The following ROBO2 variants were observed in gnomAD, a reference collection of about 807,000 sequenced individuals.
ROBO2 encodes roundabout guidance receptor 2.
In ROBO2, 53 loss-of-function variants were observed where a neutral mutation model predicts 160.8. That is an observed-to-expected ratio of 0.33 (90% confidence interval 0.26 to 0.41). The LOEUF (loss-of-function observed/expected upper bound fraction) is 0.41, where lower values mean the gene tolerates loss of function less well. ROBO2 is among the 10% of genes least tolerant of loss of function. The pLI is 1.00. For synonymous variants in ROBO2, 664 were observed against 611.7 expected, an observed-to-expected ratio of 1.09 and a Z score of -1.26; for missense variants, 1,577 against 1,722.4, an observed-to-expected ratio of 0.92 and a Z score of 1.49.
At chr3:77,390,284 T>C (rs1459591453) in intron 2 of ROBO2, among the ~76,000 whole-genome samples, 1 of 152,136 alleles carries the variant, frequency 6.6e-6, no homozygotes, top group Non-Finnish European at 1.5e-5. Flanking sequence ...AAAGTTCCAG[T>C]CAAGTACTCT....
chr3:76,868,192 C>G (rs986347021), intron 2 of ROBO2, among the ~76,000 whole-genome samples: 1 of 152,132 alleles, frequency 6.6e-6, no homozygotes, highest in East Asian at 1.9e-4. Flanking sequence ...CTGGATTTTT[C>G]TCAGCAACCT....
chr3:76,247,179 C>T (rs1705671565), intron 2 of ROBO2, among the ~76,000 whole-genome samples: 2 of 152,094 alleles, frequency 1.3e-5, no homozygotes, highest in African/African-American at 2.4e-5. Context: ...GTTACTTAGA[C>T]TTCTTACGTG....
intron 2 of ROBO2, among the ~76,000 whole-genome samples, chr3:76,555,196 G>A (rs929743438): frequency 6.6e-6 from 1 of 151,840 alleles, no homozygotes; most frequent in African/African-American, 2.4e-5. Context: ...AGGAAAATAG[G>A]ATAGGATAAC....
At chr3:77,444,490 C>G (rs2080263568) in intron 2 of ROBO2, among the ~76,000 whole-genome samples, 1 of 152,116 alleles carries the variant, frequency 6.6e-6, no homozygotes, top group South Asian at 2.1e-4. Flanking sequence ...ATACCAGTTT[C>G]TGTCTGTTGG....
chr3:76,290,648 G>A (rs963972415), intron 2 of ROBO2, among the ~76,000 whole-genome samples: 2 of 152,118 alleles, frequency 1.3e-5, no homozygotes, highest in African/African-American at 2.4e-5. Context: ...CATCATGTCA[G>A]TTGTGGGTCT....
chr3:77,018,204 G>T (rs1389693466), intron 2 of ROBO2, among the ~76,000 whole-genome samples: 1 of 152,086 alleles, frequency 6.6e-6, no homozygotes, highest in Admixed American at 6.6e-5. Flanking sequence ...CAAGGATCAA[G>T]CAATTCTCCT....
rs146482695 is a variant in ROBO2, at chr3:77,156,306, C to T, written c.388+57966C>T. The stretch of plus-strand genomic sequence containing the variant: ...TGTCAGGTTTGATTTTACTTTAGAT[C>T]GTGTTAAACAATGTAAGATTGTTTA... On this transcript the variant is annotated intron_variant, in intron 2 of 25. Coordinates refer to ENST00000461745, the Ensembl canonical transcript of ROBO2. Among the ~76,000 whole-genome samples, 374 of 152,022 alleles carry T rather than the reference C, an allele frequency of 2.5e-3. 3 individuals carry two copies. Among genetic ancestry groups the T allele is most frequent in the African/African-American group, 8.7e-3 (361 of 41,470 alleles).
At chr3:76,157,435 A>C (rs1233119887) in intron 2 of ROBO2, among the ~76,000 whole-genome samples, 5 of 152,176 alleles carry the variant, frequency 3.3e-5, no homozygotes, top group Admixed American at 3.3e-4. Flanking sequence ...ATTGTAGCAG[A>C]GTAAGCCACA....
At chr3:76,240,290 C>A (rs1705207559) in intron 2 of ROBO2, among the ~76,000 whole-genome samples, 1 of 151,890 alleles carries the variant, frequency 6.6e-6, no homozygotes, top group Non-Finnish European at 1.5e-5. Context: ...TAACCCCCAC[C>A]CCCCGACAGG....
rs1553862752 is a variant in ROBO2, at chr3:77,237,411, T to TGTGTG, written c.388+139071_388+139072insGTGTG. On this transcript the variant is annotated intron_variant, in intron 2 of 25. Coordinates refer to ENST00000461745, the Ensembl canonical transcript of ROBO2. ...TTTCCTGTTTTTGTTTTGTTTTGTTTTGTGTGTGTGTGTGTGTGTGTGTGT... is the reference window on the plus strand; with the variant it reads ...TTTCCTGTTTTTGTTTTGTTTTGTTTGTGTGTGTGTGTGTGTGTGTGTGTGTGTGT... 7.2e-3 allele frequency among the ~76,000 whole-genome samples: 944 copies of TGTGTG among 131,114 alleles called. 14 individuals carry two copies. The highest frequency in any genetic ancestry group is 0.025 in the African/African-American group (912 of 36,048). 86.0% of individuals were successfully genotyped at this position (131,114 alleles called of 152,430 possible).
At chr3:77,067,492 T>C (rs1200534503) in intron 1 of ROBO2, among the ~76,000 whole-genome samples, 2 of 152,200 alleles carry the variant, frequency 1.3e-5, no homozygotes, top group Non-Finnish European at 2.9e-5. Flanking sequence ...CATATATGTG[T>C]CTCTAAAATA....
chr3:76,097,256 G>T (rs2069490091), intron 2 of ROBO2, among the ~76,000 whole-genome samples: 1 of 152,080 alleles, frequency 6.6e-6, no homozygotes, highest in Non-Finnish European at 1.5e-5. Flanking sequence ...CTTCTCTGAC[G>T]GCATGAGCCT....
intron 2 of ROBO2, among the ~76,000 whole-genome samples, chr3:76,448,263 C>T (rs1301278719): frequency 1.3e-5 from 2 of 151,968 alleles, no homozygotes; most frequent in African/African-American, 4.8e-5. Context: ...TTAATATAAA[C>T]ATACATAATG....
intron 2 of ROBO2, among the ~76,000 whole-genome samples, chr3:77,283,585 G>A (rs2060388730): frequency 6.6e-6 from 1 of 151,956 alleles, no homozygotes; most frequent in Non-Finnish European, 1.5e-5. Context: ...ATATATAAAT[G>A]AAATATATTC....
chr3:76,259,208 G>T (rs1706587519), intron 2 of ROBO2, among the ~76,000 whole-genome samples: 1 of 151,986 alleles, frequency 6.6e-6, no homozygotes, highest in South Asian at 2.1e-4. Flanking sequence ...AAATAGGAGA[G>T]AAAGTATGAC....
At chr3:76,781,791 A>G (rs1191254008) in intron 2 of ROBO2, among the ~76,000 whole-genome samples, 1 of 150,750 alleles carries the variant, frequency 6.6e-6, no homozygotes, top group African/African-American at 2.4e-5. Flanking sequence ...TTGGTTTGCT[A>G]AGATTTGGTT....
chr3:76,262,779 C>T (rs1576157229), intron 2 of ROBO2, among the ~76,000 whole-genome samples: 1 of 152,176 alleles, frequency 6.6e-6, no homozygotes, highest in African/African-American at 2.4e-5. Context: ...GAAATGTAAC[C>T]AGATCAAGTT....
intron 2 of ROBO2, among the ~76,000 whole-genome samples, chr3:76,184,632 T>C (rs1701660714): frequency 1.3e-5 from 2 of 152,076 alleles, no homozygotes; most frequent in Admixed American, 1.3e-4. Context: ...TCATGAGTTC[T>C]GGAGGCTGAG....
chr3:75,942,815 TC>T (rs1312674963), intron 2 of ROBO2, among the ~76,000 whole-genome samples: 1 of 152,180 alleles, frequency 6.6e-6, no homozygotes, highest in East Asian at 1.9e-4. Context: ...GATTTCCTTG[TC>T]TTCAAAATTT....
Sources: allele counts gnomAD v4.1 joint callset (sites outside exome capture counted in the v4.1 genomes callset), GRCh38; gene constraint gnomAD v4.1.1; transcripts MANE v1.5; gene names NCBI Gene and HGNC (gene_info 2026-07-23, HGNC 2026-07-21).